The following TRPM3 variants were observed in gnomAD, a reference collection of about 807,000 sequenced individuals.
The protein encoded by TRPM3 is long transient receptor potential channel 3.
In TRPM3, 77 loss-of-function variants were observed where a neutral mutation model predicts 181.2. The ratio of observed to expected loss-of-function variants is 0.42; its 90% confidence interval spans 0.35 to 0.51. The LOEUF (loss-of-function observed/expected upper bound fraction) is 0.51. Among genes scored for constraint, TRPM3 ranks in the 20% least tolerant of loss-of-function variants. TRPM3 has a pLI of 0.01. For missense variants in TRPM3, 1,759 were observed against 2,196.7 expected, an observed-to-expected ratio of 0.80 and a Z score of 3.98; for synonymous variants, 745 against 796.4, an observed-to-expected ratio of 0.94 and a Z score of 1.09.
At chr9:70,810,946 T>A (rs935789414) in intron 6 of TRPM3, among the ~76,000 whole-genome samples, 8 of 152,196 alleles carry the variant, frequency 5.3e-5, no homozygotes, top group Non-Finnish European at 8.8e-5. Flanking sequence ...TCCCTCCTAG[T>A]AGTATCCCAA....
rs568903838 is a variant in TRPM3 at position 70,560,427 on chromosome 9, C to T, written c.3224-7117G>A. The stretch of plus-strand genomic sequence containing the variant: ...AATATTAGTGGCCACCTACCGCAGG[C>T]TTAAATGGAAGGCCCTGTGCTATGA... On this transcript the variant is annotated intron_variant, in intron 22 of 25. Transcript: ENST00000677713. Among the ~76,000 whole-genome samples the T allele has an allele frequency of 2.6e-5, 4 of 152,334 alleles. No individual in the cohort carries two copies. In the East Asian group the frequency reaches 7.7e-4, roughly 29 times the overall value.
At chr9:71,284,039 C>A (rs551859283) in intron 1 of TRPM3, among the ~76,000 whole-genome samples, 108 of 152,324 alleles carry the variant, frequency 7.1e-4, no homozygotes, top group African/African-American at 2.6e-3. Context: ...CTGCCACTTG[C>A]TAGCTAAATG....
At chr9:70,686,805 CTTTCT>C (rs1396675571) in intron 8 of TRPM3, among the ~76,000 whole-genome samples, 11 of 139,684 alleles carry the variant, frequency 7.9e-5, no homozygotes, top group South Asian at 4.8e-4. Context: ...CTCCCTCCCT[CTTTCT>C]TTTCTTTTCT....
intron 6 of TRPM3, chr9:70,827,103 T>C (rs2093603304): frequency 6.6e-6 from 1 of 152,260 alleles, no homozygotes. Flanking sequence ...TACATCTATC[T>C]ATATCTAAAT....
chr9:71,222,733 A>G (rs1381986399), intron 1 of TRPM3, among the ~76,000 whole-genome samples: 1 of 152,196 alleles, frequency 6.6e-6, no homozygotes. Flanking sequence ...TACGGTGTGG[A>G]AAGAGAATCT....
At chr9:71,283,594 T>A (rs2085035347) in intron 1 of TRPM3, among the ~76,000 whole-genome samples, 1 of 152,184 alleles carries the variant, frequency 6.6e-6, no homozygotes, top group African/African-American at 2.4e-5. Context: ...TGAGCCACCA[T>A]GTCCGGCCTC....
chr9:71,262,464 G>A lies in TRPM3; in HGVS notation c.183+184189C>T, dbSNP rs529800499. Among the ~76,000 whole-genome samples, 160 of 152,264 alleles carry A rather than the reference G, an allele frequency of 1.1e-3. 2 individuals are homozygous for A. The highest frequency in any genetic ancestry group is 3.7e-3 in the African/African-American group (155 of 41,554). ...TAGCTTGCTGGGCTCTGTGGGGGTG[G>A]GATCTGCTTAGCAAGACAACTTGGC... is the stretch of plus-strand genomic sequence containing the variant. On this transcript the variant is annotated intron_variant, in intron 1 of 24. Coordinates refer to the TRPM3 transcript ENST00000357533.
intron 1 of TRPM3, among the ~76,000 whole-genome samples, chr9:71,337,146 T>C (rs1417517394): frequency 6.6e-6 from 1 of 152,034 alleles, no homozygotes; most frequent in Non-Finnish European, 1.5e-5. Context: ...CACAAGAGAC[T>C]ATCATCAGAG....
In TRPM3 at chr9:70,611,764, C is replaced by T. The variant is rs568910346; in HGVS notation, c.2527-1015G>A. 8.5e-5 allele frequency among the ~76,000 whole-genome samples: 13 copies of T among 152,332 alleles called. No individual in the cohort carries two copies. The South Asian group carries it at 1.0e-3, about 12-fold the overall frequency. On this transcript the variant is annotated intron_variant, in intron 18 of 25. Coordinates refer to ENST00000677713, the MANE Select transcript of TRPM3 (RefSeq NM_001366145.2). Reference sequence around the variant, plus strand: ...TGAACACTGCCTTCCTCTGCAACTACGTGGGACTAGGAGAAGGATTCCATT... The same window carrying T: ...TGAACACTGCCTTCCTCTGCAACTATGTGGGACTAGGAGAAGGATTCCATT...
chr9:70,808,291 C>T (rs972112239), intron 6 of TRPM3, among the ~76,000 whole-genome samples: 1 of 152,142 alleles, frequency 6.6e-6, no homozygotes. Flanking sequence ...AAAATTCTTC[C>T]CTGAATGTAA....
chr9:71,023,910 GCTT>G (rs1349236829), intron 1 of TRPM3, among the ~76,000 whole-genome samples: 3 of 152,114 alleles, frequency 2.0e-5, no homozygotes, highest in Non-Finnish European at 4.4e-5. Context: ...GAACTCCTCT[GCTT>G]CTTGACTGCG....
intron 1 of TRPM3, among the ~76,000 whole-genome samples, chr9:71,285,526 C>T (rs916133058): frequency 9.2e-5 from 14 of 152,092 alleles, no homozygotes; most frequent in Non-Finnish European, 8.8e-5. Context: ...CCGAGGCTGC[C>T]GATCCGTTCA....
intron 1 of TRPM3, among the ~76,000 whole-genome samples, chr9:71,011,092 T>G (rs2097733905): frequency 6.6e-6 from 1 of 152,108 alleles, no homozygotes; most frequent in African/African-American, 2.4e-5. Flanking sequence ...CTCACTCATA[T>G]GTGGAATCTA....
chr9:70,824,286 T>C (rs2093406724), intron 6 of TRPM3: 2 of 152,192 alleles, frequency 1.3e-5, no homozygotes, highest in African/African-American at 4.8e-5. Flanking sequence ...GACACTGTTA[T>C]TGTGGCATAG....
At chr9:70,858,743 T>C (rs766045274) in intron 3 of TRPM3, among the ~76,000 whole-genome samples, 7 of 151,816 alleles carry the variant, frequency 4.6e-5, no homozygotes, top group Non-Finnish European at 1.0e-4. Context: ...GGGACCAATA[T>C]AGTCACACTA....
chr9:71,189,578 C>G (rs1328545863), intron 1 of TRPM3, among the ~76,000 whole-genome samples: 1 of 151,760 alleles, frequency 6.6e-6, no homozygotes, highest in Non-Finnish European at 1.5e-5. Context: ...CTACCTGGCC[C>G]TTCACAGCTA....
At position 71,236,623 on chromosome 9, in the gene TRPM3, T is replaced by C. The variant is rs571098481; in HGVS notation, c.183+210030A>G. Among the ~76,000 whole-genome samples the C allele has an allele frequency of 2.6e-5, 4 of 152,294 alleles. No individual in the cohort carries two copies. The South Asian group carries it at 8.3e-4, about 32-fold the overall frequency. On this transcript the variant is annotated intron_variant, in intron 1 of 24. Transcript: ENST00000357533. ...ACACTTCAGGTCATAAGAGATAAGA[T>C]ACACCTCTGTTTACTGTCCAAACTG...
intron 1 of TRPM3, among the ~76,000 whole-genome samples, chr9:71,173,444 C>T (rs551140188): frequency 6.6e-6 from 1 of 152,248 alleles, no homozygotes; most frequent in East Asian, 1.9e-4. Context: ...AAATTGTAAA[C>T]ATATGTGGAA....
chr9:71,139,027 T>A (rs2074943576), intron 1 of TRPM3, among the ~76,000 whole-genome samples: 1 of 152,200 alleles, frequency 6.6e-6, no homozygotes, highest in South Asian at 2.1e-4. Flanking sequence ...GTCTGTAGAT[T>A]TTATGACCTT....
Sources: allele counts gnomAD v4.1 joint callset (sites outside exome capture counted in the v4.1 genomes callset), GRCh38; gene constraint gnomAD v4.1.1; transcripts MANE v1.5; gene names NCBI Gene and HGNC (gene_info 2026-07-23, HGNC 2026-07-21).